The following TIAM2 variants were observed in gnomAD, a reference collection of about 807,000 sequenced individuals.
TIAM2 encodes rho guanine nucleotide exchange factor TIAM2.
Under a neutral mutation model 152.9 loss-of-function variants are expected in TIAM2, and 80 were observed. That is an observed-to-expected ratio of 0.52 (90% CI 0.44 to 0.63). The LOEUF (loss-of-function observed/expected upper bound fraction) is 0.63. Ranked by LOEUF, TIAM2 falls within the 30% of genes least tolerant of loss-of-function variation. The pLI is 0.00. For missense variants in TIAM2, 1,965 were observed against 2,120.1 expected (o/e 0.93, Z 1.44); for synonymous variants, 804 against 838.0 (o/e 0.96, Z 0.70).
chr6:155,222,142 C>T (rs761955992), intron 15 of TIAM2, among the ~76,000 whole-genome samples: 23 of 151,712 alleles, frequency 1.5e-4, no homozygotes, highest in Non-Finnish European at 2.8e-4. Flanking sequence ...TTACTAGAGA[C>T]GGGGTTTCAC....
intron 1 of TIAM2, among the ~76,000 whole-genome samples, chr6:155,041,471 G>C (rs1777046500): frequency 6.6e-6 from 1 of 152,176 alleles, no homozygotes; most frequent in South Asian, 2.1e-4. Context: ...CAAAGAAAAA[G>C]AGTGTGGTGG....
At chr6:155,120,876 T>C (rs2062409) in intron 2 of TIAM2, among the ~76,000 whole-genome samples, 65,283 of 152,044 alleles carry the variant, frequency 0.43, 15,894 homozygotes, top group East Asian at 0.67. Context: ...ACAAAATCAC[T>C]GTAGTTGAGA....
intron 1 of TIAM2, among the ~76,000 whole-genome samples, chr6:155,065,629 T>C (rs80246911): frequency 0.096 from 14,617 of 151,780 alleles, 935 homozygotes; most frequent in East Asian, 0.24. Flanking sequence ...AATACGAAAA[T>C]TAGCCAGGTG....
intron 1 of TIAM2, among the ~76,000 whole-genome samples, chr6:155,087,587 A>G (rs1245198220): frequency 6.6e-6 from 1 of 151,978 alleles, no homozygotes; most frequent in East Asian, 1.9e-4. Context: ...TGTCTCTACT[A>G]CAAATACAAA....
chr6:155,061,008 C>T (rs1777568497), intron 1 of TIAM2, among the ~76,000 whole-genome samples: 1 of 148,574 alleles, frequency 6.7e-6, no homozygotes, highest in Admixed American at 6.6e-5. Flanking sequence ...TTTCTCTATT[C>T]CAGTTCCAGA....
chr6:155,117,456 C>A (rs887774469), intron 2 of TIAM2, among the ~76,000 whole-genome samples: 2 of 152,146 alleles, frequency 1.3e-5, no homozygotes, highest in Non-Finnish European at 2.9e-5. Context: ...TCTCTCTTCC[C>A]CCTGTAGACG....
At chr6:155,247,106 T>C (rs921668074) in intron 19 of TIAM2, among the ~76,000 whole-genome samples, 1 of 152,216 alleles carries the variant, frequency 6.6e-6, no homozygotes, top group African/African-American at 2.4e-5. Context: ...GAAAGGTGAA[T>C]CTGCTTGGAG....
intron 14 of TIAM2, among the ~76,000 whole-genome samples, chr6:155,205,974 CTGTTTT>C (rs1222425831): frequency 6.6e-6 from 1 of 152,194 alleles, no homozygotes; most frequent in Non-Finnish European, 1.5e-5. Flanking sequence ...CCTGATATTT[CTGTTTT>C]TAAGTTGGTA....
At chr6:155,029,812 G>T (rs1213503337) in intron 1 of TIAM2, among the ~76,000 whole-genome samples, 2 of 148,432 alleles carry the variant, frequency 1.3e-5, no homozygotes, top group African/African-American at 5.0e-5. Context: ...TTGTTTTTCT[G>T]AGACAGGGTC....
At chr6:155,063,781 C>CAAAAAAAAAA in intron 1 of TIAM2, among the ~76,000 whole-genome samples, 1 of 91,100 alleles carries the variant, frequency 1.1e-5, no homozygotes, top group Admixed American at 1.4e-4. Context: ...GACTCTGTCT[C>CAAAAAAAAAA]AAAAAAAAAA....
At chr6:155,122,820 A>G (rs1779201971) in intron 2 of TIAM2, among the ~76,000 whole-genome samples, 1 of 149,400 alleles carries the variant, frequency 6.7e-6, no homozygotes, top group South Asian at 2.1e-4. Context: ...TACTTTTGCT[A>G]TTTGTAAACA....
chr6:155,029,945 A>G lies in TIAM2; in HGVS notation c.-209+34453A>G, dbSNP rs926224874. Among the ~76,000 whole-genome samples, 5 of 151,758 alleles carry G rather than the reference A, an allele frequency of 3.3e-5. No individual in the cohort carries two copies. In the East Asian group the frequency reaches 5.8e-4, roughly 18 times the overall value. ...GTAGCTGGGACCACAGGCATGCGCC[A>G]CTATGCCTGGCTAATTTTTGTATGT... On this transcript the variant is annotated intron_variant, in intron 1 of 26. Coordinates refer to ENST00000682666, the MANE Select transcript of TIAM2 (RefSeq NM_012454.4).
At chr6:155,191,218 T>G (rs1433642957) in intron 14 of TIAM2, among the ~76,000 whole-genome samples, 1 of 152,190 alleles carries the variant, frequency 6.6e-6, no homozygotes, top group Admixed American at 6.5e-5. Context: ...AGGTCCTGGC[T>G]CCAGCCTCTC....
Position 155,086,477 on chromosome 6 carries a change from C to T in TIAM2, c.-208-3812C>T, listed in dbSNP as rs565971723. Reference sequence around the variant, plus strand: ...ATCCCAGCACTTTGGAAGGCTGAGGCGGGTGGATCACCTGAGGTCAGGAGT... The same window carrying T: ...ATCCCAGCACTTTGGAAGGCTGAGGTGGGTGGATCACCTGAGGTCAGGAGT... On this transcript the variant is annotated intron_variant, in intron 1 of 26. Coordinates refer to ENST00000682666, the MANE Select transcript of TIAM2 (RefSeq NM_012454.4). Among the ~76,000 whole-genome samples, 19 of 152,262 alleles carry T rather than the reference C, an allele frequency of 1.2e-4. No homozygotes were observed. In the South Asian group the frequency reaches 1.5e-3, roughly 12 times the overall value.
rs142115582 is a variant in TIAM2 at position 155,209,659 on chromosome 6, C to T, written c.3065-1545C>T. The stretch of plus-strand genomic sequence containing the variant: ...GCTAAGTTAACTCTGCAACCAACAA[C>T]AGTGAGGTATGACCGAGATTATCTG... On this transcript the variant is annotated intron_variant, in intron 14 of 26. Transcript: ENST00000682666. Among the ~76,000 whole-genome samples, 216 of 152,274 alleles carry T rather than the reference C, an allele frequency of 1.4e-3. 1 individual carries two copies. Among genetic ancestry groups the T allele is most frequent in the African/African-American group, 5.0e-3 (209 of 41,550 alleles).
chr6:155,166,945 C>A (rs1338212519), intron 9 of TIAM2, among the ~76,000 whole-genome samples: 1 of 152,174 alleles, frequency 6.6e-6, no homozygotes, highest in Non-Finnish European at 1.5e-5. Context: ...TTTTCAATAT[C>A]ATTGGAAAGA....
rs921869270 is a variant in TIAM2, at chr6:155,170,054, C to T, written c.2361+4645C>T. On this transcript the variant is annotated intron_variant, in intron 9 of 26. Transcript: ENST00000682666. ...GGCTGGTCTTGAACTCCTGACGTCG[C>T]GATCCACCCACCTCAGTCTCCCAAA... Among the ~76,000 whole-genome samples the T allele has an allele frequency of 3.9e-5, 6 of 151,976 alleles. No homozygotes were observed. In the East Asian group the frequency reaches 5.8e-4, roughly 15 times the overall value.
chr6:155,080,566 A>G (rs1412701999), intron 1 of TIAM2, among the ~76,000 whole-genome samples: 1 of 151,644 alleles, frequency 6.6e-6, no homozygotes, highest in Non-Finnish European at 1.5e-5. Context: ...CAGCCTCCTG[A>G]GTAGCTAGGA....
chr6:155,160,994 T>A (rs1328535182), intron 7 of TIAM2, among the ~76,000 whole-genome samples: 1 of 152,138 alleles, frequency 6.6e-6, no homozygotes, highest in Non-Finnish European at 1.5e-5. Context: ...TTTTATAAGG[T>A]CTCCTTTGGG....
Sources: gnomAD v4.1 joint callset for allele counts (sites outside exome capture counted in the v4.1 genomes callset) on GRCh38, gnomAD v4.1.1 for gene constraint, MANE v1.5 for transcripts, NCBI Gene and HGNC (gene_info 2026-07-23, HGNC 2026-07-21) for gene names.